The following ARMC9 variants were observed in gnomAD, a reference collection of about 807,000 sequenced individuals.
The protein encoded by ARMC9 is lisH domain-containing protein ARMC9.
Under a neutral mutation model 107.0 loss-of-function variants are expected in ARMC9, and 94 were observed. That is an observed-to-expected ratio of 0.88 (90% CI 0.74 to 1.04). The LOEUF (loss-of-function observed/expected upper bound fraction) is 1.04. Ranked by LOEUF, ARMC9 falls within the 50% of genes least tolerant of loss-of-function variation. ARMC9 has a pLI of 0.00. For synonymous variants in ARMC9, 380 were observed against 396.9 expected (o/e 0.96, Z 0.51); for missense variants, 942 against 1,030.1 (o/e 0.91, Z 1.17).
chr2:231,260,577 C>T (rs1051135635), intron 11 of ARMC9, among the ~76,000 whole-genome samples: 1 of 152,148 alleles, frequency 6.6e-6, no homozygotes, highest in South Asian at 2.1e-4. Flanking sequence ...ACTCGGACGA[C>T]GTATCCAGGA....
At chr2:231,307,300 C>G (rs947269625) in intron 19 of ARMC9, among the ~76,000 whole-genome samples, 2 of 152,002 alleles carry the variant, frequency 1.3e-5, no homozygotes, top group Admixed American at 1.3e-4. Context: ...AGTGGGCTCT[C>G]GAGCAAAGGG....
At chr2:231,223,231 T>A (rs978031588) in intron 6 of ARMC9, among the ~76,000 whole-genome samples, 6 of 152,192 alleles carry the variant, frequency 3.9e-5, no homozygotes, top group African/African-American at 1.2e-4. Flanking sequence ...TAAATAACTT[T>A]ATTGAGGTGT....
chr2:231,352,270 A>G lies in ARMC9; in HGVS notation c.1995-3528A>G, dbSNP rs181595508. Among the ~76,000 whole-genome samples the G allele has an allele frequency of 6.0e-5, 9 of 150,574 alleles. No individual in the cohort carries two copies. In the East Asian group the frequency reaches 1.6e-3, roughly 27 times the overall value. On this transcript the variant is annotated intron_variant, in intron 21 of 24. Coordinates refer to ENST00000611582, the MANE Select transcript of ARMC9 (RefSeq NM_001352754.2). ...AGCCACTATGCCCAGCCCAGCCACT[A>G]GTACTTTTGGAGCCAGTAATTCCAC...
chr2:231,207,371 GC>G (rs1334249821), intron 2 of ARMC9, among the ~76,000 whole-genome samples: 7 of 152,146 alleles, frequency 4.6e-5, no homozygotes, highest in African/African-American at 1.7e-4. Flanking sequence ...TGTTGCCCAG[GC>G]TGGTCTCAAA....
chr2:231,215,289 G>C, intron 4 of ARMC9: 1 of 302,888 alleles, frequency 3.3e-6, no homozygotes, highest in Non-Finnish European at 6.1e-6. Context: ...TAGTATGTAG[G>C]CGTGTATGTC....
At chr2:231,225,377 A>T (rs1000294086) in intron 6 of ARMC9, among the ~76,000 whole-genome samples, 8 of 152,312 alleles carry the variant, frequency 5.3e-5, no homozygotes, top group Admixed American at 5.2e-4. Flanking sequence ...GAGAAATGAA[A>T]CATACATATG....
intron 19 of ARMC9, among the ~76,000 whole-genome samples, chr2:231,323,072 C>A (rs2043087649): frequency 6.6e-6 from 1 of 152,090 alleles, no homozygotes; most frequent in Non-Finnish European, 1.5e-5. Flanking sequence ...GCCTGTAATC[C>A]CAGCACTTCA....
chr2:231,212,190 T>C (rs759347826), intron 3 of ARMC9, among the ~76,000 whole-genome samples: 10 of 152,230 alleles, frequency 6.6e-5, no homozygotes, highest in Non-Finnish European at 1.2e-4. Context: ...CAAGTTACTA[T>C]TGATGGTGTA....
At chr2:231,230,834 A>G (rs1044422146) in intron 7 of ARMC9, among the ~76,000 whole-genome samples, 1 of 152,200 alleles carries the variant, frequency 6.6e-6, no homozygotes, top group African/African-American at 2.4e-5. Flanking sequence ...AAAAGTCTGT[A>G]TGTGTTCAGT....
intron 20 of ARMC9, among the ~76,000 whole-genome samples, chr2:231,342,060 A>G (rs1294895464): frequency 6.6e-6 from 1 of 152,198 alleles, no homozygotes; most frequent in Admixed American, 6.5e-5. Context: ...GATACCCTCT[A>G]AGATCCTTCA....
intron 3 of ARMC9, among the ~76,000 whole-genome samples, chr2:231,213,063 T>C (rs762630978): frequency 7.3e-4 from 111 of 152,192 alleles, no homozygotes; most frequent in Non-Finnish European, 1.5e-3. Context: ...TTGTTCTCTA[T>C]ACATTTCCAT....
rs552051984 is a variant in ARMC9, at chr2:231,258,849, G to A, written c.915-142G>A. 9.8e-5 allele frequency: 69 copies of A among 705,826 alleles called. 1 individual carries two copies. Among genetic ancestry groups the A allele is most frequent in the Admixed American group, 6.5e-4 (24 of 37,148 alleles). The allele number at this position is 705,826 out of a possible 1,614,324, so 43.7% of individuals were successfully genotyped here. On this transcript the variant is annotated intron_variant, in intron 10 of 24. Coordinates refer to ENST00000611582, the MANE Select transcript of ARMC9 (RefSeq NM_001352754.2). Reference sequence around the variant, plus strand: ...GAGGTAGGAGCCTAGAACCCAGCCCGCCCTCCAAGTGGAAGCCGGGAGGTC... The same window carrying A: ...GAGGTAGGAGCCTAGAACCCAGCCCACCCTCCAAGTGGAAGCCGGGAGGTC...
chr2:231,226,210 C>T (rs1322275591), intron 6 of ARMC9, among the ~76,000 whole-genome samples: 1 of 152,104 alleles, frequency 6.6e-6, no homozygotes, highest in African/African-American at 2.4e-5. Flanking sequence ...AAGCTATTAC[C>T]AAAATACTAA....
intron 9 of ARMC9, chr2:231,256,210 G>A (rs1045576042): frequency 2.0e-6 from 3 of 1,531,848 alleles, no homozygotes; most frequent in Middle Eastern, 2.3e-4. Flanking sequence ...TGGACGACAC[G>A]AGCCGATCCA....
At chr2:231,363,883 CAAAAAAAAAAAAA>C (rs1176736980) in intron 23 of ARMC9, among the ~76,000 whole-genome samples, 1 of 16,282 alleles carries the variant, frequency 6.1e-5, no homozygotes, top group African/African-American at 1.8e-4. Context: ...GACTCCGTCT[CAAAAAAAAAAAAA>C]AAAAAAAAAA....
At chr2:231,286,211 G>A (rs1034353643) in intron 17 of ARMC9, among the ~76,000 whole-genome samples, 1 of 152,136 alleles carries the variant, frequency 6.6e-6, no homozygotes, top group African/African-American at 2.4e-5. Flanking sequence ...CGCCTCCCGA[G>A]TTCAAGCAAT....
intron 19 of ARMC9, among the ~76,000 whole-genome samples, chr2:231,314,084 G>GT (rs2042523556): frequency 1.8e-5 from 2 of 111,618 alleles, no homozygotes; most frequent in Admixed American, 9.6e-5. Flanking sequence ...TTTTTTTTTT[G>GT]TTTTTTGTTT....
At chr2:231,357,948 C>T (rs1056137697) in intron 22 of ARMC9, among the ~76,000 whole-genome samples, 2 of 152,148 alleles carry the variant, frequency 1.3e-5, no homozygotes, top group African/African-American at 2.4e-5. Context: ...GTGCAGTTTC[C>T]TCTGGGTCAT....
At chr2:231,279,616 T>G (rs1384917276) in intron 16 of ARMC9, among the ~76,000 whole-genome samples, 1 of 151,268 alleles carries the variant, frequency 6.6e-6, no homozygotes, top group African/African-American at 2.4e-5. Context: ...GTTCAAGCGA[T>G]TCTCCTGCCT....
Sources: allele counts gnomAD v4.1 joint callset (sites outside exome capture counted in the v4.1 genomes callset), GRCh38; gene constraint gnomAD v4.1.1; transcripts MANE v1.5; gene names NCBI Gene and HGNC (gene_info 2026-07-23, HGNC 2026-07-21).